The following RASGEF1C variants were observed in gnomAD, a reference collection of about 807,000 sequenced individuals.
RASGEF1C encodes the protein RasGEF domain family member 1C, also known as ras-GEF domain-containing family member 1C.
A neutral mutation model predicts 58.1 loss-of-function variants in RASGEF1C; 27 were observed. That is an observed-to-expected ratio of 0.46 (90% CI 0.34 to 0.64). The LOEUF is 0.64. Ranked by LOEUF, RASGEF1C falls within the 30% of genes least tolerant of loss-of-function variation. The pLI, the probability that RASGEF1C is intolerant of heterozygous loss-of-function variation, is 0.01. For synonymous variants in RASGEF1C, 243 were observed against 246.3 expected, an observed-to-expected ratio of 0.99 and a Z score of 0.13; for missense variants, 502 against 605.1, an observed-to-expected ratio of 0.83 and a Z score of 1.79.
At chr5:180,188,463 A>G (rs1404698021) in intron 1 of RASGEF1C, among the ~76,000 whole-genome samples, 2 of 152,186 alleles carry the variant, frequency 1.3e-5, no homozygotes, top group Admixed American at 1.3e-4. Flanking sequence ...AAACCACATA[A>G]TCATCTCATA....
rs563872889 is a variant in RASGEF1C, at chr5:180,135,473, C to T, written c.438+905G>A. Among the ~76,000 whole-genome samples, 6 of 152,320 alleles carry T rather than the reference C, an allele frequency of 3.9e-5. No individual in the cohort carries two copies. In the South Asian group the frequency reaches 1.0e-3, roughly 26 times the overall value. ...CCTTCCAGGACGGTCAACATGTGCC[C>T]CCGCCCACGTTTCCCCCTTCCAGGT... is the stretch of plus-strand genomic sequence containing the variant. On this transcript the variant is annotated intron_variant, in intron 4 of 13. Transcript: ENST00000361132.
At position 180,197,231 on chromosome 5, in the gene RASGEF1C, T is replaced by C. The variant is rs1431166601; in HGVS notation, c.-7+11797A>G. Among the ~76,000 whole-genome samples, 1 of 152,200 alleles carries C rather than the reference T, an allele frequency of 6.6e-6. No individual in the cohort carries two copies. Among genetic ancestry groups the C allele is most frequent in the African/African-American group, 2.4e-5 (1 of 41,442 alleles). On this transcript the variant is annotated intron_variant, in intron 1 of 13. Coordinates refer to ENST00000361132, the MANE Select transcript of RASGEF1C (RefSeq NM_175062.4). The surrounding 1 kb of genome is among the most constrained non-coding windows in gnomAD (Gnocchi z 4.7). ...ACGGGAGCTCTCTGCCTTGCCTCCC[T>C]CAGCCACACACCTGTGAATCACTCA...
intron 1 of RASGEF1C, among the ~76,000 whole-genome samples, chr5:180,200,036 T>C (rs370393405): frequency 6.6e-6 from 1 of 150,890 alleles, no homozygotes; most frequent in Non-Finnish European, 1.5e-5. Context: ...TTGAGGCGGG[T>C]GGATCACAAG....
chr5:180,101,551 G>T (rs192122684), intron 13 of RASGEF1C, 26 bp from the exon 14 acceptor site: 31 of 1,610,714 alleles, frequency 1.9e-5, no homozygotes, highest in Non-Finnish European at 2.4e-5. Flanking sequence ...TGTCGGGAGC[G>T]GTGAGAGCCT....
At chr5:180,169,034 TA>T (rs1356331230) in intron 1 of RASGEF1C, among the ~76,000 whole-genome samples, 1 of 152,124 alleles carries the variant, frequency 6.6e-6, no homozygotes, top group East Asian at 1.9e-4. Context: ...CTGTTGGTTT[TA>T]AGCTGTGTTC....
intron 1 of RASGEF1C, among the ~76,000 whole-genome samples, chr5:180,181,784 T>C (rs1011928007): frequency 2.0e-5 from 3 of 152,126 alleles, no homozygotes; most frequent in African/African-American, 7.2e-5. Flanking sequence ...CCTAGGAAAG[T>C]GATACAAACA....
At chr5:180,207,480 C>A (rs1415339058) in intron 1 of RASGEF1C, among the ~76,000 whole-genome samples, 1 of 152,208 alleles carries the variant, frequency 6.6e-6, no homozygotes, top group Non-Finnish European at 1.5e-5. Context: ...AGAGCTGGAA[C>A]CACCTCAGAG....
intron 4 of RASGEF1C, among the ~76,000 whole-genome samples, chr5:180,129,722 C>T (rs1480353642): frequency 1.3e-5 from 2 of 152,198 alleles, no homozygotes; most frequent in Admixed American, 6.5e-5. Context: ...GGTGCGCCAT[C>T]GCTGGGGACC....
intron 4 of RASGEF1C, among the ~76,000 whole-genome samples, chr5:180,134,203 C>A (rs1046416566): frequency 3.9e-5 from 6 of 152,092 alleles, no homozygotes; most frequent in Non-Finnish European, 8.8e-5. Context: ...CTTTGGGGTG[C>A]ATGCTTTTTT....
intron 1 of RASGEF1C, among the ~76,000 whole-genome samples, chr5:180,141,431 G>A (rs1176359670): frequency 6.6e-6 from 1 of 152,240 alleles, no homozygotes; most frequent in African/African-American, 2.4e-5. Context: ...TGACCTTGAG[G>A]ACGTCATGCT....
chr5:180,114,353 C>G, intron 11 of RASGEF1C, 93 bp downstream of exon 11: 1 of 1,230,458 alleles, frequency 8.1e-7, no homozygotes, highest in Admixed American at 2.0e-5. Flanking sequence ...CCCAGGGTCC[C>G]CCATGAGGCT....
At chr5:180,189,997 C>T (rs753509756) in intron 1 of RASGEF1C, among the ~76,000 whole-genome samples, 33 of 143,680 alleles carry the variant, frequency 2.3e-4, no homozygotes, top group South Asian at 1.1e-3. Context: ...TTACTTCATG[C>T]GAAAAAAAAA....
intron 1 of RASGEF1C, among the ~76,000 whole-genome samples, chr5:180,159,600 T>G (rs918301039): frequency 2.0e-5 from 3 of 152,204 alleles, no homozygotes; most frequent in African/African-American, 7.2e-5. Flanking sequence ...TGAGACTGAC[T>G]GAATGCTTCA....
Position 180,101,538 on chromosome 5 carries a change from G to T in RASGEF1C, c.1377-13C>A. 2 of 1,612,048 alleles carry T rather than the reference G, an allele frequency of 1.2e-6. No homozygotes were observed. Among genetic ancestry groups the T allele is most frequent in the Middle Eastern group, 3.3e-4 (2 of 6,054 alleles). ...CAAAATAGAAGATCTGCAGATTTAA[G>T]CATGTCGGGAGCGGTGAGAGCCTGG... On this transcript the variant is annotated splice_polypyrimidine_tract_variant and intron_variant, in intron 13 of 13. Transcript: ENST00000361132.
At chr5:180,114,389 C>A in intron 11 of RASGEF1C, 57 bp downstream of exon 11, 1 of 1,549,076 alleles carries the variant, frequency 6.5e-7, no homozygotes, top group South Asian at 1.2e-5. Flanking sequence ...AGTGGTCCTG[C>A]CCTGGGAACT....
chr5:180,157,962 T>C (rs986739012), intron 1 of RASGEF1C, among the ~76,000 whole-genome samples: 8 of 152,140 alleles, frequency 5.3e-5, no homozygotes, highest in African/African-American at 1.9e-4. Flanking sequence ...GCACTCTGGG[T>C]AATAATGATG....
chr5:180,119,032 G>C (rs540940047), intron 8 of RASGEF1C, among the ~76,000 whole-genome samples, 166 bp from the exon 9 acceptor site: 2 of 152,212 alleles, frequency 1.3e-5, no homozygotes, highest in African/African-American at 4.8e-5. Context: ...GGTCAGGTAG[G>C]CCTGCTGCCA....
rs35607645 is a variant in RASGEF1C at position 180,115,290 on chromosome 5, TAAAAAAA to T, written c.1084-756_1084-750del. 2.8e-4 allele frequency: 111 copies of T among 397,986 alleles called. 1 individual carries two copies. The highest frequency in any genetic ancestry group is 2.0e-3 in the South Asian group (109 of 55,184). The allele number at this position is 397,986 out of a possible 1,614,324, so 24.7% of individuals were successfully genotyped here. ...CGGCCTCCCAAGGTGGCCTCCTTTT[TAAAAAAA>T]AAAAAAAAAATTTAACAATTTGTCC... On this transcript the variant is annotated intron_variant, in intron 10 of 13. Transcript: ENST00000361132.
rs1581106012 is a variant in RASGEF1C at position 180,143,849 on chromosome 5, G to C, written c.-6-5791C>G. Among the ~76,000 whole-genome samples the C allele has an allele frequency of 1.3e-5, 2 of 152,238 alleles. No individual in the cohort carries two copies. Among genetic ancestry groups the C allele is most frequent in the South Asian group, 2.1e-4 (1 of 4,816 alleles). The stretch of plus-strand genomic sequence containing the variant: ...AACATCTGCAAAATGGAAATCCATC[G>C]AACTTGCAGAAGAAAAGCAGGTGGC... On this transcript the variant is annotated intron_variant, in intron 1 of 13. Transcript: ENST00000361132. The surrounding 1 kb of genome is among the most constrained non-coding windows in gnomAD (Gnocchi z 4.3).
Sources: allele counts gnomAD v4.1 joint callset (sites outside exome capture counted in the v4.1 genomes callset), GRCh38; gene constraint gnomAD v4.1.1; non-coding constraint Gnocchi (gnomAD v3.1); transcripts MANE v1.5; gene names NCBI Gene and HGNC (gene_info 2026-07-23, HGNC 2026-07-21).